Variants in CLDN10 observed in about 807,000 individuals in gnomAD.
CLDN10 encodes the protein claudin 10, also known as claudin-10.
In CLDN10, 15 loss-of-function variants were observed where a neutral mutation model predicts 22.9. The ratio of observed to expected loss-of-function variants is 0.65; its 90% CI spans 0.44 to 1.01. The LOEUF (loss-of-function observed/expected upper bound fraction) is 1.01, where lower values mean the gene tolerates loss of function less well. Ranked by LOEUF, CLDN10 falls within the 50% of genes least tolerant of loss-of-function variation. The pLI, the probability that CLDN10 is intolerant of heterozygous loss-of-function variation, is 0.00. For missense variants in CLDN10, 247 were observed against 287.8 expected (o/e 0.86, Z 1.03); for synonymous variants, 114 against 111.4 (o/e 1.02, Z -0.15).
At chr13:95,492,581 G>A (rs988178655) in intron 1 of CLDN10, among the ~76,000 whole-genome samples, 3 of 152,088 alleles carry the variant, frequency 2.0e-5, no homozygotes, top group Non-Finnish European at 2.9e-5. Flanking sequence ...ACTTGCCCAA[G>A]GCTTTTTCCC....
intron 3 of CLDN10, among the ~76,000 whole-genome samples, chr13:95,576,509 G>A (rs367962509): frequency 1.6e-4 from 24 of 152,134 alleles, no homozygotes; most frequent in African/African-American, 5.6e-4. Context: ...CTCATTCCTT[G>A]TTCTCTGGGT....
intron 3 of CLDN10, among the ~76,000 whole-genome samples, chr13:95,570,111 C>T (rs1479281356): frequency 1.3e-5 from 2 of 152,174 alleles, no homozygotes; most frequent in African/African-American, 4.8e-5. Context: ...ATTCTTGACC[C>T]ATGCTTACCA....
intron 4 of CLDN10, 56 bp from the exon 5 acceptor site, chr13:95,577,843 AT>A: frequency 1.8e-6 from 2 of 1,109,434 alleles, no homozygotes; most frequent in Non-Finnish European, 1.3e-6. Context: ...GTTTCTTCCC[AT>A]TTTTGTTTGC....
chr13:95,456,054 C>T (rs1458058331), intron 1 of CLDN10, among the ~76,000 whole-genome samples: 1 of 152,134 alleles, frequency 6.6e-6, no homozygotes, highest in Non-Finnish European at 1.5e-5. Flanking sequence ...ATACAGATGC[C>T]ATCCAGTGCA....
chr13:95,483,263 T>C (rs540637132), intron 1 of CLDN10, among the ~76,000 whole-genome samples: 9 of 152,350 alleles, frequency 5.9e-5, no homozygotes, highest in African/African-American at 1.9e-4. Context: ...TCTGAGAAGA[T>C]GGGGAAACAT....
chr13:95,453,699 A>AG (rs1271135246), intron 1 of CLDN10, among the ~76,000 whole-genome samples: 2 of 151,816 alleles, frequency 1.3e-5, no homozygotes, highest in African/African-American at 4.8e-5. Context: ...AAAAAGAAAA[A>AG]AAAAAAAGAG....
intron 3 of CLDN10, among the ~76,000 whole-genome samples, chr13:95,562,934 G>A (rs1396602091): frequency 6.6e-6 from 1 of 152,170 alleles, no homozygotes; most frequent in African/African-American, 2.4e-5. Context: ...ATTCAGTGTA[G>A]TGCCATTGGA....
chr13:95,551,239 C>G (rs61973051), upstream of CLDN10, among the ~76,000 whole-genome samples: 2,786 of 152,226 alleles, frequency 0.018, 40 homozygotes, highest in Non-Finnish European at 0.026. Context: ...TGAAGAGAGA[C>G]AGATTTGGGG....
chr13:95,506,599 G>A (rs554317887), intron 1 of CLDN10, among the ~76,000 whole-genome samples: 6 of 152,282 alleles, frequency 3.9e-5, no homozygotes, highest in Admixed American at 2.0e-4. Flanking sequence ...CCTCACTGAT[G>A]GTGGCCCTTC....
chr13:95,552,025 ATG>A (rs2043571632), upstream of CLDN10, among the ~76,000 whole-genome samples: 1 of 152,236 alleles, frequency 6.6e-6, no homozygotes, highest in African/African-American at 2.4e-5. Flanking sequence ...GTGCATTAGT[ATG>A]AGTACACCAG....
At chr13:95,529,971 TA>T (rs2043323473) in intron 1 of CLDN10, among the ~76,000 whole-genome samples, 3 of 152,198 alleles carry the variant, frequency 2.0e-5, no homozygotes, top group African/African-American at 7.2e-5. Context: ...TTTCACTATT[TA>T]AAACATTGAG....
intron 3 of CLDN10, among the ~76,000 whole-genome samples, chr13:95,562,934 G>T (rs1396602091): frequency 6.6e-6 from 1 of 152,170 alleles, no homozygotes; most frequent in East Asian, 1.9e-4. Flanking sequence ...ATTCAGTGTA[G>T]TGCCATTGGA....
intron 1 of CLDN10, among the ~76,000 whole-genome samples, chr13:95,477,256 A>G (rs946232): frequency 0.46 from 70,135 of 151,884 alleles, 16,247 homozygotes; most frequent in Middle Eastern, 0.53. Context: ...TCCACAGGAA[A>G]GAGTGGGCAA....
intron 1 of CLDN10, among the ~76,000 whole-genome samples, chr13:95,455,279 T>C (rs1400829128): frequency 6.6e-6 from 1 of 152,220 alleles, no homozygotes; most frequent in Non-Finnish European, 1.5e-5. Context: ...AGCCAATATA[T>C]ACATATCCTG....
chr13:95,571,996 C>T (rs1031573930), intron 3 of CLDN10, among the ~76,000 whole-genome samples: 2 of 152,136 alleles, frequency 1.3e-5, no homozygotes, highest in East Asian at 1.9e-4. Context: ...TCAGCAAGGT[C>T]GCTTCACTTC....
At chr13:95,449,868 C>G (rs185714155) in intron 1 of CLDN10, among the ~76,000 whole-genome samples, 3 of 151,890 alleles carry the variant, frequency 2.0e-5, no homozygotes, top group Non-Finnish European at 4.4e-5. Flanking sequence ...CTCAGCCTCC[C>G]GAGTAGCTGG....
chr13:95,518,366 G>T (rs1318498178), intron 1 of CLDN10, among the ~76,000 whole-genome samples: 2 of 152,112 alleles, frequency 1.3e-5, no homozygotes, highest in African/African-American at 4.8e-5. Flanking sequence ...ACAAAGTTCT[G>T]TTATAGATCA....
chr13:95,567,089 G>T (rs2043796958), intron 3 of CLDN10, among the ~76,000 whole-genome samples: 1 of 152,142 alleles, frequency 6.6e-6, no homozygotes. Flanking sequence ...GCTTAGGATT[G>T]TCTTGGCTAT....
At chr13:95,570,026 A>G (rs1441327558) in intron 3 of CLDN10, among the ~76,000 whole-genome samples, 1 of 152,156 alleles carries the variant, frequency 6.6e-6, no homozygotes, top group Non-Finnish European at 1.5e-5. Flanking sequence ...GATTGACCCA[A>G]GCTTCTTTTG....
Sources: allele counts gnomAD v4.1 joint callset (sites outside exome capture counted in the v4.1 genomes callset), GRCh38; gene constraint gnomAD v4.1.1; transcripts MANE v1.5; gene names NCBI Gene and HGNC (gene_info 2026-07-23, HGNC 2026-07-21).